SLC8A1: variants seen among roughly 807,000 people sequenced by gnomAD.
SLC8A1 encodes the protein sodium/calcium exchanger 1.
In SLC8A1, 18 loss-of-function variants were observed where a neutral mutation model predicts 68.3. The ratio of observed to expected loss-of-function variants is 0.26; its 90% confidence interval spans 0.18 to 0.39. The LOEUF is 0.39. SLC8A1 is among the 10% of genes least tolerant of loss of function. The probability of loss-of-function intolerance (pLI) is 1.00; values close to 1 mark genes in which losing one functional copy is unlikely to be tolerated. For missense variants in SLC8A1, 985 were observed against 1,156.7 expected (o/e 0.85, Z 2.15); for synonymous variants, 475 against 415.5 (o/e 1.14, Z -1.74).
intron 2 of SLC8A1, among the ~76,000 whole-genome samples, chr2:40,273,624 G>C (rs1408218809): frequency 6.6e-6 from 1 of 152,118 alleles, no homozygotes; most frequent in East Asian, 1.9e-4. Flanking sequence ...GTATAATAGG[G>C]CTTTTTTAAA....
At chr2:40,482,789 C>CTTTTTT (rs34808025) in intron 1 of SLC8A1, among the ~76,000 whole-genome samples, 5 of 131,864 alleles carry the variant, frequency 3.8e-5, no homozygotes, top group African/African-American at 1.1e-4. Flanking sequence ...ACAGTTAGCA[C>CTTTTTT]TTTTTTTTTT....
chr2:40,329,223 C>T (rs936498094), intron 2 of SLC8A1, among the ~76,000 whole-genome samples: 1 of 152,170 alleles, frequency 6.6e-6, no homozygotes, highest in Non-Finnish European at 1.5e-5. Context: ...CCTTACGCAA[C>T]CGTTAGGTCC....
intron 2 of SLC8A1, among the ~76,000 whole-genome samples, chr2:40,221,920 A>C (rs1378879546): frequency 6.6e-6 from 1 of 152,230 alleles, no homozygotes; most frequent in South Asian, 2.1e-4. Context: ...GGAAGAATCA[A>C]TATCATTTAA....
intron 7 of SLC8A1, among the ~76,000 whole-genome samples, chr2:40,135,296 A>G (rs190828177): frequency 3.9e-5 from 6 of 152,364 alleles, no homozygotes; most frequent in Admixed American, 1.3e-4. Flanking sequence ...GATCTCTAGC[A>G]GAAGCAGGGA....
intron 2 of SLC8A1, among the ~76,000 whole-genome samples, chr2:40,325,616 A>G (rs976438329): frequency 5.9e-5 from 9 of 151,978 alleles, no homozygotes; most frequent in Non-Finnish European, 1.3e-4. Flanking sequence ...CTGAATCAAT[A>G]TAATAGGTGT....
At chr2:40,249,033 G>C (rs1218027613) in intron 2 of SLC8A1, among the ~76,000 whole-genome samples, 1 of 152,078 alleles carries the variant, frequency 6.6e-6, no homozygotes, top group Non-Finnish European at 1.5e-5. Flanking sequence ...TTTCAGATGT[G>C]ATCAGCTTGC....
Position 40,477,470 on chromosome 2 carries a change from A to G in SLC8A1, c.-25+34879T>C, listed in dbSNP as rs190417391. ...TACACGGTTGAAAAGAAGATAATTTATTGTCACTTAAACAATGTCTTAGAT... is the reference window on the plus strand; with the variant it reads ...TACACGGTTGAAAAGAAGATAATTTGTTGTCACTTAAACAATGTCTTAGAT... On this transcript the variant is annotated intron_variant, in intron 1 of 7. Coordinates refer to the SLC8A1 transcript ENST00000402441. Among the ~76,000 whole-genome samples the G allele has an allele frequency of 2.1e-3, 320 of 152,228 alleles. 1 individual carries two copies. The highest frequency in any genetic ancestry group is 3.6e-3 in the Non-Finnish European group (247 of 68,018).
In SLC8A1 at chr2:40,280,708, A is replaced by T. The variant is rs79038958; in HGVS notation, c.1809-102853T>A. ...TATATGATGTCACAGATATAAATAC[A>T]GAAATGAAGTAAAAAGAGACAATGA... On this transcript the variant is annotated intron_variant, in intron 2 of 7. Transcript: ENST00000406785. 3.5e-3 allele frequency among the ~76,000 whole-genome samples: 530 copies of T among 152,324 alleles called. 1 individual carries two copies. Among genetic ancestry groups the T allele is most frequent in the Non-Finnish European group, 5.7e-3 (386 of 68,026 alleles).
intron 2 of SLC8A1, among the ~76,000 whole-genome samples, chr2:40,414,164 G>C (rs1394874521): frequency 6.6e-6 from 1 of 152,100 alleles, no homozygotes. Context: ...AGTCATTACA[G>C]AGCTAATGAG....
At chr2:40,131,858 A>ATTTTTTTTT (rs71404277) in intron 7 of SLC8A1, among the ~76,000 whole-genome samples, 15 of 95,548 alleles carry the variant, frequency 1.6e-4, no homozygotes, top group Non-Finnish European at 2.6e-4. Context: ...TTGGTATTCT[A>ATTTTTTTTT]TTTTTTTTTT....
chr2:40,217,247 T>C (rs966981902), intron 2 of SLC8A1, among the ~76,000 whole-genome samples: 1 of 152,218 alleles, frequency 6.6e-6, no homozygotes, highest in Non-Finnish European at 1.5e-5. Context: ...GAATAGGATA[T>C]CATTTCCCCA....
chr2:40,465,189 T>G (rs1227574887), intron 1 of SLC8A1, among the ~76,000 whole-genome samples: 3 of 152,230 alleles, frequency 2.0e-5, no homozygotes. Flanking sequence ...TTTATTTGAC[T>G]AGAGCCAGGG....
At chr2:40,262,532 G>A (rs1006447974) in intron 2 of SLC8A1, among the ~76,000 whole-genome samples, 1 of 152,104 alleles carries the variant, frequency 6.6e-6, no homozygotes, top group Non-Finnish European at 1.5e-5. Flanking sequence ...TAGTATATTT[G>A]ATCTATTGGT....
chr2:40,266,388 T>G (rs2065353221), intron 2 of SLC8A1, among the ~76,000 whole-genome samples: 3 of 152,216 alleles, frequency 2.0e-5, no homozygotes, highest in Admixed American at 2.0e-4. Context: ...CCCACAATAA[T>G]TTGATAAGGA....
chr2:40,153,703 AT>A (rs1279413743), intron 6 of SLC8A1, among the ~76,000 whole-genome samples: 2 of 152,186 alleles, frequency 1.3e-5, no homozygotes, highest in Non-Finnish European at 2.9e-5. Context: ...CATTGATTCC[AT>A]TTTGTTTCAT....
At chr2:40,207,001 A>G (rs957449068) in intron 2 of SLC8A1, among the ~76,000 whole-genome samples, 4 of 152,114 alleles carry the variant, frequency 2.6e-5, no homozygotes, top group African/African-American at 9.7e-5. Flanking sequence ...AATTTACTTC[A>G]AAGTATTTTC....
intron 1 of SLC8A1, among the ~76,000 whole-genome samples, chr2:40,479,126 C>T (rs559331131): frequency 6.6e-6 from 1 of 152,318 alleles, no homozygotes; most frequent in South Asian, 2.1e-4. Flanking sequence ...CAATTCACAC[C>T]ATTAATTCAG....
Position 40,496,922 on chromosome 2 carries a change from G to A in SLC8A1, c.-25+15427C>T, listed in dbSNP as rs368939706. On this transcript the variant is annotated intron_variant, in intron 1 of 7. Transcript: ENST00000402441. ...GGGAATATCACACTCTGGGGACTGT[G>A]GTGGGGTGGGGGGAGGGGGGAGGGA... Among the ~76,000 whole-genome samples the A allele has an allele frequency of 4.8e-4, 62 of 128,358 alleles. 1 individual carries two copies. Among genetic ancestry groups the A allele is most frequent in the African/African-American group, 1.7e-3 (58 of 34,108 alleles). 84.2% of individuals were successfully genotyped at this position (128,358 alleles called of 152,430 possible).
At chr2:40,225,168 T>C (rs2148864334) in intron 2 of SLC8A1, among the ~76,000 whole-genome samples, 1 of 152,280 alleles carries the variant, frequency 6.6e-6, no homozygotes, top group South Asian at 2.1e-4. Context: ...ATCTACTTAC[T>C]GTCAGCAGGA....
Sources: allele counts gnomAD v4.1 joint callset (sites outside exome capture counted in the v4.1 genomes callset), GRCh38; gene constraint gnomAD v4.1.1; transcripts MANE v1.5; gene names NCBI Gene and HGNC (gene_info 2026-07-23, HGNC 2026-07-21).